Variants in AGBL4 observed in about 807,000 individuals in gnomAD.
The protein encoded by AGBL4 is cytosolic carboxypeptidase 6.
In AGBL4, 58 loss-of-function variants were observed where a neutral mutation model predicts 66.4. The observed-to-expected ratio is 0.87, with a 90% CI of 0.71 to 1.09. AGBL4 has a LOEUF of 1.09. Ranked by LOEUF, AGBL4 falls within the 50% of genes least tolerant of loss-of-function variation. The pLI is 0.00. For synonymous variants in AGBL4, 234 were observed against 222.9 expected (o/e 1.05, Z -0.44); for missense variants, 579 against 631.0 (o/e 0.92, Z 0.88).
intron 3 of AGBL4, among the ~76,000 whole-genome samples, chr1:49,607,786 T>C (rs1224913897): frequency 6.6e-6 from 1 of 152,096 alleles, no homozygotes; most frequent in Non-Finnish European, 1.5e-5. Flanking sequence ...CTTATTTAGT[T>C]TGACTTCTCC....
chr1:49,871,992 C>T (rs1571759499), intron 1 of AGBL4, among the ~76,000 whole-genome samples: 1 of 152,118 alleles, frequency 6.6e-6, no homozygotes, highest in East Asian at 1.9e-4. Flanking sequence ...AGAAAAACTT[C>T]CAGGATTCTC....
chr1:49,405,907 T>G, intron 3 of AGBL4, among the ~76,000 whole-genome samples: 1 of 152,210 alleles, frequency 6.6e-6, no homozygotes, highest in East Asian at 1.9e-4. Flanking sequence ...TATCTGCACA[T>G]TTGGAAGAAT....
chr1:49,935,906 T>C (rs1353869003), intron 1 of AGBL4, among the ~76,000 whole-genome samples: 5 of 151,958 alleles, frequency 3.3e-5, no homozygotes, highest in Non-Finnish European at 7.4e-5. Flanking sequence ...GCAGAAAAAC[T>C]GGAAACTCTA....
At chr1:49,572,859 C>G (rs1644358789) in intron 3 of AGBL4, among the ~76,000 whole-genome samples, 1 of 152,086 alleles carries the variant, frequency 6.6e-6, no homozygotes. Flanking sequence ...GAAGGGCAGA[C>G]CCATCCTTAA....
intron 1 of AGBL4, among the ~76,000 whole-genome samples, chr1:49,854,408 A>G (rs1212461171): frequency 6.6e-6 from 1 of 152,122 alleles, no homozygotes; most frequent in Non-Finnish European, 1.5e-5. Flanking sequence ...AAAGATCCCC[A>G]GTGCTGCACA....
intron 4 of AGBL4, among the ~76,000 whole-genome samples, chr1:49,158,576 A>C (rs926364082): frequency 1.3e-5 from 2 of 152,016 alleles, no homozygotes; most frequent in Admixed American, 6.6e-5. Context: ...GTAGATGTCT[A>C]TTATTTTTGC....
At chr1:48,905,206 C>T (rs1275127011) in intron 5 of AGBL4, among the ~76,000 whole-genome samples, 2 of 152,156 alleles carry the variant, frequency 1.3e-5, no homozygotes, top group African/African-American at 4.8e-5. Flanking sequence ...TCTTTCAGTC[C>T]TACCAGCCCC....
intron 11 of AGBL4, among the ~76,000 whole-genome samples, chr1:48,546,268 G>A (rs1246351446): frequency 6.6e-6 from 1 of 152,210 alleles, no homozygotes; most frequent in Admixed American, 6.5e-5. Context: ...TGTAACAAAG[G>A]TAGCATACGA....
At chr1:49,509,783 T>G (rs1014431372) in intron 3 of AGBL4, among the ~76,000 whole-genome samples, 1 of 151,974 alleles carries the variant, frequency 6.6e-6, no homozygotes, top group African/African-American at 2.4e-5. Flanking sequence ...TCCCTTAGTT[T>G]CCTCATCCAT....
intron 2 of AGBL4, among the ~76,000 whole-genome samples, chr1:49,786,807 T>C (rs940473658): frequency 6.6e-6 from 1 of 152,314 alleles, no homozygotes; most frequent in Admixed American, 6.5e-5. Context: ...ACAGGCAGTG[T>C]TTCCAACATT....
intron 2 of AGBL4, among the ~76,000 whole-genome samples, chr1:49,725,785 A>G (rs1648984216): frequency 6.6e-6 from 1 of 150,998 alleles, no homozygotes; most frequent in Admixed American, 6.6e-5. Flanking sequence ...CCTGGGCTCA[A>G]GCAGGCATTC....
intron 3 of AGBL4, among the ~76,000 whole-genome samples, chr1:49,532,132 C>T (rs1651189693): frequency 6.6e-6 from 1 of 152,086 alleles, no homozygotes; most frequent in African/African-American, 2.4e-5. Flanking sequence ...TGTATGGTAC[C>T]TTTCAGCTGA....
At chr1:49,212,017 T>A (rs1648708142) in intron 4 of AGBL4, among the ~76,000 whole-genome samples, 1 of 152,062 alleles carries the variant, frequency 6.6e-6, no homozygotes, top group Non-Finnish European at 1.5e-5. Flanking sequence ...GCTACTCTGA[T>A]CCTGATTTTA....
At chr1:49,950,414 G>A (rs1656054635) in intron 1 of AGBL4, among the ~76,000 whole-genome samples, 1 of 151,274 alleles carries the variant, frequency 6.6e-6, no homozygotes. Flanking sequence ...GGGAAAGGGA[G>A]GGAAAAGGGT....
At chr1:49,103,512 T>C (rs2148006406) in intron 4 of AGBL4, among the ~76,000 whole-genome samples, 1 of 152,296 alleles carries the variant, frequency 6.6e-6, no homozygotes, top group East Asian at 1.9e-4. Flanking sequence ...CAAATGCACA[T>C]GAGACTGCCC....
At chr1:49,601,512 C>A (rs141488313) in intron 3 of AGBL4, among the ~76,000 whole-genome samples, 9 of 152,160 alleles carry the variant, frequency 5.9e-5, no homozygotes, top group South Asian at 2.1e-4. Context: ...GATATATAGA[C>A]CAATGAAACG....
At chr1:48,649,462 G>A (rs960072066) in intron 8 of AGBL4, among the ~76,000 whole-genome samples, 11 of 152,256 alleles carry the variant, frequency 7.2e-5, no homozygotes, top group South Asian at 2.1e-4. Context: ...CTACTATAGC[G>A]TATACTATAG....
intron 1 of AGBL4, among the ~76,000 whole-genome samples, chr1:49,948,337 A>AATATATAAAT: frequency 9.4e-6 from 1 of 106,458 alleles, no homozygotes; most frequent in Admixed American, 1.3e-4. Flanking sequence ...AACATATATA[A>AATATATAAAT]ATATATAAAT....
chr1:49,642,456 G>T (rs1001393217), intron 3 of AGBL4, among the ~76,000 whole-genome samples: 4 of 151,970 alleles, frequency 2.6e-5, no homozygotes, highest in Non-Finnish European at 5.9e-5. Context: ...AAGCTCAAGA[G>T]AACCAGGATA....
Sources: gnomAD v4.1 joint callset for allele counts (sites outside exome capture counted in the v4.1 genomes callset) on GRCh38, gnomAD v4.1.1 for gene constraint, MANE v1.5 for transcripts, NCBI Gene and HGNC (gene_info 2026-07-23, HGNC 2026-07-21) for gene names.